Variants in UPP1 observed in about 807,000 individuals in gnomAD.
UPP1 encodes the protein UPase 1.
Under a neutral mutation model 29.6 loss-of-function variants are expected in UPP1, and 25 were observed. That is an observed-to-expected ratio of 0.85 (90% CI 0.62 to 1.18). The LOEUF is 1.18. UPP1 is among the 50% of genes most tolerant of loss of function. The probability of loss-of-function intolerance (pLI) is 0.00; values close to 1 mark genes in which losing one functional copy is unlikely to be tolerated. For synonymous variants in UPP1, 165 were observed against 159.8 expected, an observed-to-expected ratio of 1.03 and a Z score of -0.25; for missense variants, 368 against 410.4, an observed-to-expected ratio of 0.90 and a Z score of 0.89.
chr7:48,108,243 G>T lies in UPP1; in HGVS notation c.819G>T (p.Leu273=). ...LQAAVVCVTL[L]NRLEGDQISS... ...CGGCCGTGGTGTGTGTCACCCTCCT[G>T]AACCGCCTGGAAGGGGACCAGATCA... The change falls in exon 9 of 9, where the codon CTG becomes CTT. Residue 273 remains leucine (L), a synonymous_variant. Coordinates refer to ENST00000395564, the MANE Select transcript of UPP1 (RefSeq NM_003364.4). The T allele has an allele frequency of 6.2e-7, 1 of 1,613,654 alleles. No homozygotes were observed. The highest frequency in any genetic ancestry group is 1.1e-5 in the South Asian group (1 of 91,040).
chr7:48,098,673 G>A (rs1792256664), intron 3 of UPP1, among the ~76,000 whole-genome samples: 2 of 152,190 alleles, frequency 1.3e-5, no homozygotes, highest in African/African-American at 4.8e-5. Context: ...TCATGAGTTA[G>A]AATGAGGAGG....
intron 1 of UPP1, chr7:48,089,722 CGCGGGGCTCTGG>C (rs887341505): frequency 7.2e-5 from 11 of 152,144 alleles, no homozygotes; most frequent in African/African-American, 2.4e-4. Context: ...CGACGGAGCG[CGCGGGGCTCTGG>C]GCGGGGAGCC....
At chr7:48,090,803 C>A (rs948504695) in intron 2 of UPP1, among the ~76,000 whole-genome samples, 1 of 152,178 alleles carries the variant, frequency 6.6e-6, no homozygotes, top group Non-Finnish European at 1.5e-5. Context: ...GCTACCCTGA[C>A]CTTCTAGTCC....
intron 6 of UPP1, among the ~76,000 whole-genome samples, chr7:48,104,251 C>T (rs947342010): frequency 6.6e-6 from 1 of 152,064 alleles, no homozygotes; most frequent in Non-Finnish European, 1.5e-5. Context: ...AACAAAAACC[C>T]CCACAAACAT....
intron 3 of UPP1, among the ~76,000 whole-genome samples, chr7:48,097,850 G>T (rs1289906406): frequency 6.9e-6 from 1 of 145,342 alleles, no homozygotes; most frequent in African/African-American, 2.9e-5. Context: ...AGATCAAAAA[G>T]GTTTTCTGAG....
intron 5 of UPP1, among the ~76,000 whole-genome samples, chr7:48,102,423 A>G (rs1792477550): frequency 6.6e-6 from 1 of 152,204 alleles, no homozygotes; most frequent in Non-Finnish European, 1.5e-5. Context: ...TCCAGATTCT[A>G]CCATAGAAGT....
chr7:48,101,358 C>T (rs1255684176), intron 4 of UPP1, among the ~76,000 whole-genome samples: 4 of 152,216 alleles, frequency 2.6e-5, no homozygotes, highest in Admixed American at 2.0e-4. Context: ...CTCTAGGCTT[C>T]GGCTGGCTCT....
At position 48,091,448 on chromosome 7, in the gene UPP1, T is replaced by A. The variant is rs112534970; in HGVS notation, c.-22+1084T>A. ...AGCCCAGGTAAAACCAGCAAAACTC[T>A]CCTGTTATGTGGGGAGGGGAGCGAA... is the stretch of plus-strand genomic sequence containing the variant. On this transcript the variant is annotated intron_variant, in intron 2 of 8. Transcript: ENST00000395564. Among the ~76,000 whole-genome samples the A allele has an allele frequency of 5.5e-4, 84 of 152,272 alleles. 1 individual carries two copies. The highest frequency in any genetic ancestry group is 2.0e-3 in the African/African-American group (83 of 41,564).
chr7:48,090,652 T>C (rs568490367), intron 2 of UPP1, among the ~76,000 whole-genome samples: 2 of 152,340 alleles, frequency 1.3e-5, no homozygotes, highest in East Asian at 1.9e-4. Flanking sequence ...AATGTCTTAC[T>C]CTGGATTTCT....
chr7:48,106,770 GCTT>G (rs1273309818), intron 6 of UPP1, 100 bp from the exon 7 acceptor site: 3 of 1,028,028 alleles, frequency 2.9e-6, no homozygotes, highest in African/African-American at 3.1e-5. Flanking sequence ...GGGTGGATCT[GCTT>G]CTTTCTTCCA....
chr7:48,095,007 C>A (rs1361241932), intron 3 of UPP1, among the ~76,000 whole-genome samples, 180 bp downstream of exon 3: 4 of 152,172 alleles, frequency 2.6e-5, no homozygotes, highest in Non-Finnish European at 4.4e-5. Flanking sequence ...TGGTTAAAGA[C>A]CTCCGGGGTC....
chr7:48,095,014 G>A (rs749538931), intron 3 of UPP1, among the ~76,000 whole-genome samples, 187 bp downstream of exon 3: 2 of 152,160 alleles, frequency 1.3e-5, no homozygotes, highest in Non-Finnish European at 2.9e-5. Flanking sequence ...AGACCTCCGG[G>A]GTCGGGTGCT....
intron 4 of UPP1, among the ~76,000 whole-genome samples, chr7:48,100,562 A>G (rs1012278182): frequency 6.6e-6 from 1 of 152,236 alleles, no homozygotes; most frequent in African/African-American, 2.4e-5. Flanking sequence ...AACTTTTTCT[A>G]CAAAGTCTTA....
At chr7:48,089,787 G>A (rs1395787965) in intron 1 of UPP1, among the ~76,000 whole-genome samples, 1 of 152,084 alleles carries the variant, frequency 6.6e-6, no homozygotes, top group Non-Finnish European at 1.5e-5. Context: ...GAGCCGGCAG[G>A]GTCAGGTCCC....
chr7:48,106,775 T>C (rs1792769483), intron 6 of UPP1, 98 bp from the exon 7 acceptor site: 2 of 1,114,956 alleles, frequency 1.8e-6, no homozygotes, highest in Non-Finnish European at 2.6e-6. Flanking sequence ...GATCTGCTTC[T>C]TTCTTCCATA....
chr7:48,101,756 A>G, intron 4 of UPP1, 68 bp from the exon 5 acceptor site: 1 of 1,534,620 alleles, frequency 6.5e-7, no homozygotes, highest in Non-Finnish European at 8.8e-7. Flanking sequence ...TTGCTGGTCT[A>G]GGGGCCCCAC....
intron 3 of UPP1, among the ~76,000 whole-genome samples, chr7:48,096,754 C>T (rs1301165826): frequency 9.2e-5 from 14 of 152,110 alleles, no homozygotes; most frequent in Admixed American, 9.2e-4. Context: ...GGCTGGAGTG[C>T]CGAGGTGTGA....
rs757019950 is a variant in UPP1, at chr7:48,107,041, C to T, written c.605C>T (p.Thr202Ile). ...TCTGCAGAGCTGAGCGAGTTCACCA[C>T]AGTGGTGGGGAACACCATGTGCACC... is the stretch of plus-strand genomic sequence containing the variant. ...LCSAELSEFT[T>I]VVGNTMCTLD... is the part of the protein sequence containing the mutation. The change falls in exon 7 of 9, where the codon ACA becomes ATA. Residue 202 changes from threonine to isoleucine, a missense_variant. Transcript: ENST00000395564. 1 of 1,612,388 alleles carries T rather than the reference C, an allele frequency of 6.2e-7. No individual in the cohort carries two copies. The highest frequency in any genetic ancestry group is 8.5e-7 in the Non-Finnish European group (1 of 1,179,904).
chr7:48,094,952 C>T (rs911489581), intron 3 of UPP1, 125 bp downstream of exon 3: 9 of 1,191,486 alleles, frequency 7.6e-6, no homozygotes, highest in Admixed American at 2.1e-5. Flanking sequence ...GTGAAAGAGA[C>T]TGAGGCCTGG....
Sources: allele counts gnomAD v4.1 joint callset (sites outside exome capture counted in the v4.1 genomes callset), GRCh38; gene constraint gnomAD v4.1.1; transcripts MANE v1.5; gene names NCBI Gene and HGNC (gene_info 2026-07-23, HGNC 2026-07-21).